The following NCAM1 variants were observed in gnomAD, a reference collection of about 807,000 sequenced individuals.
The protein encoded by NCAM1 is antigen recognized by monoclonal antibody 5.1H11.
NCAM1 carries 14 observed loss-of-function variants against 109.8 expected under a neutral mutation model. That is an observed-to-expected ratio of 0.13 (90% confidence interval 0.08 to 0.20). The LOEUF is 0.20. Among genes scored for constraint, NCAM1 ranks in the 10% least tolerant of loss-of-function variants. The pLI is 1.00. For synonymous variants in NCAM1, 418 were observed against 442.9 expected, an observed-to-expected ratio of 0.94 and a Z score of 0.70; for missense variants, 774 against 1,109.9, an observed-to-expected ratio of 0.70 and a Z score of 4.30.
chr11:113,260,768 T>C (rs1945967500), intron 17 of NCAM1, among the ~76,000 whole-genome samples: 1 of 152,200 alleles, frequency 6.6e-6, no homozygotes. Flanking sequence ...AAATCTCTTC[T>C]CTGTGGTGAC....
chr11:113,070,704 G>A (rs148651575), intron 1 of NCAM1, among the ~76,000 whole-genome samples: 1 of 152,248 alleles, frequency 6.6e-6, no homozygotes, highest in East Asian at 1.9e-4. Flanking sequence ...GGAAGTAGCT[G>A]GGAAGCAGGC....
chr11:113,145,606 T>C (rs1425509160), intron 1 of NCAM1, among the ~76,000 whole-genome samples: 1 of 152,240 alleles, frequency 6.6e-6, no homozygotes, highest in Non-Finnish European at 1.5e-5. Flanking sequence ...CTATCCGTAG[T>C]CTTCTTCATT....
intron 1 of NCAM1, among the ~76,000 whole-genome samples, chr11:113,123,760 A>T (rs1941066216): frequency 6.6e-6 from 1 of 152,128 alleles, no homozygotes; most frequent in Non-Finnish European, 1.5e-5. Context: ...GCCACCCCTC[A>T]GCTCCGCTCC....
chr11:113,208,908 T>G (rs1383512942), intron 7 of NCAM1, among the ~76,000 whole-genome samples: 1 of 152,200 alleles, frequency 6.6e-6, no homozygotes, highest in Non-Finnish European at 1.5e-5. Flanking sequence ...TTTGCCTTGT[T>G]TGCCTCCTTC....
chr11:113,095,976 CAG>C (rs1939579249), intron 1 of NCAM1, among the ~76,000 whole-genome samples: 1 of 152,202 alleles, frequency 6.6e-6, no homozygotes, highest in Admixed American at 6.5e-5. Context: ...ATGTCTGAGA[CAG>C]GGTAAACATT....
intron 1 of NCAM1, among the ~76,000 whole-genome samples, chr11:113,124,066 A>C (rs1165234783): frequency 2.0e-5 from 3 of 152,150 alleles, no homozygotes; most frequent in Non-Finnish European, 4.4e-5. Flanking sequence ...CTCCAAAGTA[A>C]TTCTCTTAGA....
intron 10 of NCAM1, 124 bp from the exon 11 acceptor site, chr11:113,232,046 A>G: frequency 9.6e-7 from 1 of 1,042,122 alleles, no homozygotes; most frequent in African/African-American, 1.6e-5. Context: ...AATGGCCCTG[A>G]CCTCTACTAT....
intron 1 of NCAM1, among the ~76,000 whole-genome samples, chr11:113,189,474 A>G (rs1443713770): frequency 1.3e-5 from 2 of 151,440 alleles, no homozygotes; most frequent in Non-Finnish European, 2.9e-5. Context: ...AAAAGAAAAG[A>G]AAAGAAGCAT....
intron 1 of NCAM1, among the ~76,000 whole-genome samples, chr11:113,115,383 T>G (rs1324930919): frequency 6.6e-6 from 1 of 152,184 alleles, no homozygotes; most frequent in African/African-American, 2.4e-5. Context: ...ACAGAGTTAC[T>G]AATGTGTGAG....
At chr11:113,000,808 TTATATATACATATATA>T (rs1555072262) in intron 1 of NCAM1, among the ~76,000 whole-genome samples, 4 of 81,548 alleles carry the variant, frequency 4.9e-5, no homozygotes, top group African/African-American at 6.8e-5. Flanking sequence ...ACCTATAGAA[TTATATATACATATATA>T]TATATATATA....
intron 1 of NCAM1, among the ~76,000 whole-genome samples, chr11:113,079,676 A>T (rs1317344141): frequency 2.0e-5 from 3 of 152,188 alleles, no homozygotes; most frequent in South Asian, 2.1e-4. Flanking sequence ...TATAGTTTTT[A>T]AAAAATTAAA....
At chr11:113,033,613 T>A (rs7113099) in intron 1 of NCAM1, among the ~76,000 whole-genome samples, 69,293 of 152,050 alleles carry the variant, frequency 0.46, 16,631 homozygotes, top group East Asian at 0.8. Context: ...AATTAAAGGT[T>A]AACAAGCCAT....
intron 1 of NCAM1, among the ~76,000 whole-genome samples, chr11:113,097,673 T>A (rs982495137): frequency 5.9e-5 from 9 of 151,640 alleles, no homozygotes; most frequent in Admixed American, 5.9e-4. Context: ...ATACTTTAGA[T>A]AATTGTTAGT....
intron 17 of NCAM1, chr11:113,264,477 A>G: frequency 1.0e-6 from 1 of 985,686 alleles, no homozygotes; most frequent in Non-Finnish European, 1.2e-6. Flanking sequence ...GGAGTCCCAG[A>G]TGGCGCTTCA....
intron 1 of NCAM1, among the ~76,000 whole-genome samples, chr11:113,017,292 T>C (rs1555075406): frequency 6.6e-6 from 1 of 152,190 alleles, no homozygotes; most frequent in East Asian, 1.9e-4. Flanking sequence ...TACAATACAC[T>C]TGGATGGAAA....
chr11:113,035,557 C>T lies in NCAM1; in HGVS notation c.52+73893C>T, dbSNP rs557985905. 3.3e-5 allele frequency among the ~76,000 whole-genome samples: 5 copies of T among 152,042 alleles called. No individual in the cohort carries two copies. The South Asian group carries it at 6.2e-4, about 19-fold the overall frequency. On this transcript the variant is annotated intron_variant, in intron 1 of 19. Coordinates refer to ENST00000316851, the MANE Select transcript of NCAM1 (RefSeq NM_181351.5). ...AATGTATTGTTCTTTTTTAAGAGCC[C>T]GCCACTGAAATATTTTTTAAAGGCC...
chr11:113,031,269 C>T (rs1206712161), intron 1 of NCAM1, among the ~76,000 whole-genome samples: 1 of 152,116 alleles, frequency 6.6e-6, no homozygotes. Flanking sequence ...TTATATTTTC[C>T]TTGTAAGGCA....
chr11:113,133,515 T>C lies in NCAM1; in HGVS notation c.53-68864T>C, dbSNP rs1241588566. 4.6e-5 allele frequency: 7 copies of C among 152,192 alleles called. No individual in the cohort carries two copies. The East Asian group carries it at 9.6e-4, about 21-fold the overall frequency. 9.4% of individuals were successfully genotyped at this position (152,192 alleles called of 1,614,324 possible). ...AACTTATATAACATGCAAAAGGAGATGCATTTTAATCACTGGGAATTTTTT... is the reference window on the plus strand; with the variant it reads ...AACTTATATAACATGCAAAAGGAGACGCATTTTAATCACTGGGAATTTTTT... On this transcript the variant is annotated intron_variant, in intron 1 of 19. Transcript: ENST00000316851.
At chr11:113,264,898 G>T in intron 17 of NCAM1, 1 of 985,662 alleles carries the variant, frequency 1.0e-6, no homozygotes, top group Non-Finnish European at 1.2e-6. Flanking sequence ...TGAGTTCCTG[G>T]TGACAGCTGC....
Sources: gnomAD v4.1 joint callset for allele counts (sites outside exome capture counted in the v4.1 genomes callset) on GRCh38, gnomAD v4.1.1 for gene constraint, MANE v1.5 for transcripts, NCBI Gene and HGNC (gene_info 2026-07-23, HGNC 2026-07-21) for gene names.